SLC24A3: variants seen among roughly 807,000 people sequenced by gnomAD.
SLC24A3 encodes the protein solute carrier family 24 member 3.
Under a neutral mutation model 75.8 loss-of-function variants are expected in SLC24A3, and 28 were observed. The observed-to-expected ratio is 0.37, with a 90% CI of 0.27 to 0.51. The LOEUF is 0.51. Among genes scored for constraint, SLC24A3 ranks in the 20% least tolerant of loss-of-function variants. The pLI, the probability that SLC24A3 is intolerant of heterozygous loss-of-function variation, is 0.94. For missense variants in SLC24A3, 663 were observed against 847.8 expected (o/e 0.78, Z 2.71); for synonymous variants, 372 against 334.1 (o/e 1.11, Z -1.24).
At chr20:19,213,039 T>C in intron 1 of SLC24A3, 55 bp downstream of exon 1, 1 of 1,168,078 alleles carries the variant, frequency 8.6e-7, no homozygotes, top group Non-Finnish European at 1.1e-6. Flanking sequence ...GGCTCGGGGC[T>C]CCCGGGGCTG....
intron 2 of SLC24A3, among the ~76,000 whole-genome samples, chr20:19,467,982 A>G (rs1239870387): frequency 1.3e-5 from 2 of 152,050 alleles, no homozygotes; most frequent in Non-Finnish European, 2.9e-5. Context: ...GAAACCAGGA[A>G]GAGAGAGAGC....
At chr20:19,349,129 C>T (rs1037146640) in intron 2 of SLC24A3, among the ~76,000 whole-genome samples, 1 of 152,078 alleles carries the variant, frequency 6.6e-6, no homozygotes, top group East Asian at 1.9e-4. Context: ...GATGCTTTTT[C>T]CAAGATACAA....
chr20:19,236,631 C>T (rs1600387021), intron 1 of SLC24A3, among the ~76,000 whole-genome samples: 2 of 152,248 alleles, frequency 1.3e-5, no homozygotes, highest in East Asian at 1.9e-4. Context: ...TGGTGCATGC[C>T]TGTATTCCCA....
At chr20:19,691,498 T>G (rs528356462) in intron 12 of SLC24A3, among the ~76,000 whole-genome samples, 3 of 152,252 alleles carry the variant, frequency 2.0e-5, no homozygotes, top group Admixed American at 2.0e-4. Context: ...TGGAGGCCAG[T>G]GGAAGGTTCT....
chr20:19,581,727 G>A (rs2031221055), intron 4 of SLC24A3, among the ~76,000 whole-genome samples: 1 of 152,152 alleles, frequency 6.6e-6, no homozygotes, highest in African/African-American at 2.4e-5. Context: ...GCTTAGAGAA[G>A]CTGAGCAACT....
intron 2 of SLC24A3, among the ~76,000 whole-genome samples, chr20:19,416,003 GCTTAT>G (rs1188289097): frequency 6.6e-6 from 1 of 152,176 alleles, no homozygotes; most frequent in Non-Finnish European, 1.5e-5. Context: ...TATCTCTCCT[GCTTAT>G]TAGCTCTGTA....
chr20:19,679,865 G>A (rs1008414860), intron 9 of SLC24A3, among the ~76,000 whole-genome samples: 1 of 148,188 alleles, frequency 6.7e-6, no homozygotes, highest in Non-Finnish European at 1.5e-5. Context: ...GTATGTGTGT[G>A]CATGTGTGTG....
At chr20:19,507,013 T>C (rs1195045815) in intron 2 of SLC24A3, among the ~76,000 whole-genome samples, 1 of 152,238 alleles carries the variant, frequency 6.6e-6, no homozygotes, top group African/African-American at 2.4e-5. Context: ...CTTGACCTCG[T>C]TGAATGTAAG....
intron 2 of SLC24A3, among the ~76,000 whole-genome samples, chr20:19,502,874 A>AC (rs1194530214): frequency 3.3e-5 from 5 of 149,400 alleles, no homozygotes; most frequent in Non-Finnish European, 6.0e-5. Flanking sequence ...CTACCAAAAA[A>AC]AAAAAAAAAA....
intron 2 of SLC24A3, among the ~76,000 whole-genome samples, chr20:19,312,105 C>T (rs758267472): frequency 2.6e-5 from 4 of 152,184 alleles, no homozygotes; most frequent in Non-Finnish European, 5.9e-5. Context: ...ACCAAAATGA[C>T]ACTTGATTAG....
intron 2 of SLC24A3, among the ~76,000 whole-genome samples, chr20:19,428,359 T>C (rs1161633258): frequency 6.6e-6 from 1 of 152,226 alleles, no homozygotes; most frequent in East Asian, 1.9e-4. Flanking sequence ...ACCGTGTTAA[T>C]ACTGTGTGTT....
intron 16 of SLC24A3, among the ~76,000 whole-genome samples, chr20:19,718,845 T>A (rs2033069541): frequency 6.6e-6 from 1 of 152,144 alleles, no homozygotes; most frequent in South Asian, 2.1e-4. Context: ...ATGTTCAGTC[T>A]AGAGACACCA....
intron 3 of SLC24A3, among the ~76,000 whole-genome samples, chr20:19,559,165 G>A (rs1600280281): frequency 6.6e-6 from 1 of 152,160 alleles, no homozygotes; most frequent in South Asian, 2.1e-4. Flanking sequence ...AGTCATTCTA[G>A]TGAGTGTGTA....
chr20:19,520,597 C>T (rs1049114810), intron 3 of SLC24A3, among the ~76,000 whole-genome samples: 8 of 152,146 alleles, frequency 5.3e-5, no homozygotes, highest in African/African-American at 9.7e-5. Flanking sequence ...TGAGCTGAGC[C>T]GTCAAGCCGG....
intron 3 of SLC24A3, among the ~76,000 whole-genome samples, chr20:19,536,313 A>T (rs984573413): frequency 1.2e-4 from 19 of 152,298 alleles, no homozygotes; most frequent in Non-Finnish European, 2.6e-4. Flanking sequence ...AAGCAAGGTT[A>T]GACCTGCCCA....
chr20:19,720,909 G>T (rs1050392951), intron 16 of SLC24A3, 82 bp from the exon 17 acceptor site: 8 of 1,539,344 alleles, frequency 5.2e-6, no homozygotes, highest in South Asian at 2.5e-5. Context: ...GCCCTTCCCC[G>T]GGTCCCCTGG....
chr20:19,473,920 A>G (rs1381497298), intron 2 of SLC24A3, among the ~76,000 whole-genome samples: 8 of 152,186 alleles, frequency 5.3e-5, no homozygotes, highest in Admixed American at 5.2e-4. Flanking sequence ...TTTCTAATGA[A>G]CTTTTATTAA....
chr20:19,618,174 G>T (rs984517945), intron 6 of SLC24A3, among the ~76,000 whole-genome samples: 2 of 152,192 alleles, frequency 1.3e-5, no homozygotes, highest in Non-Finnish European at 2.9e-5. Context: ...AGCCCCAGCA[G>T]TGGGATGGGT....
At chr20:19,472,637 G>C (rs1164009175) in intron 2 of SLC24A3, among the ~76,000 whole-genome samples, 1 of 152,192 alleles carries the variant, frequency 6.6e-6, no homozygotes, top group African/African-American at 2.4e-5. Flanking sequence ...GGGAACTCTG[G>C]AATAGTTTAT....
Sources: gnomAD v4.1 joint callset for allele counts (sites outside exome capture counted in the v4.1 genomes callset) on GRCh38, gnomAD v4.1.1 for gene constraint, MANE v1.5 for transcripts, NCBI Gene and HGNC (gene_info 2026-07-23, HGNC 2026-07-21) for gene names.